The following VTI1A variants were observed in gnomAD, a reference collection of about 807,000 sequenced individuals.
The protein encoded by VTI1A is vesicle transport through interaction with t-SNAREs 1A, also known as vesicle transport through interaction with t-SNAREs homolog 1A.
Under a neutral mutation model 34.9 loss-of-function variants are expected in VTI1A, and 22 were observed. The ratio of observed to expected loss-of-function variants is 0.63; its 90% CI spans 0.45 to 0.90. The LOEUF is 0.90. VTI1A is among the 40% of genes least tolerant of loss of function. The pLI, the probability that VTI1A is intolerant of heterozygous loss-of-function variation, is 0.00. For synonymous variants in VTI1A, 87 were observed against 97.3 expected (o/e 0.89, Z 0.62); for missense variants, 268 against 275.6 (o/e 0.97, Z 0.20).
intron 5 of VTI1A, among the ~76,000 whole-genome samples, chr10:112,657,025 G>A (rs565543158): frequency 7.9e-5 from 12 of 152,118 alleles, no homozygotes; most frequent in Middle Eastern, 3.4e-3. Flanking sequence ...AGCCATGCCC[G>A]CCCACCCTTC....
the VTI1A span, among the ~76,000 whole-genome samples, chr10:112,850,778 A>C: frequency 2.0e-5 from 3 of 152,196 alleles, no homozygotes; most frequent in Middle Eastern, 3.2e-3. Flanking sequence ...AAACAACTAA[A>C]ACTTTGAAGA....
In VTI1A at chr10:112,547,123, T is replaced by C. The variant is rs185982953; in HGVS notation, c.427+8793T>C. Among the ~76,000 whole-genome samples the C allele has an allele frequency of 7.9e-4, 120 of 151,802 alleles. 4 individuals are homozygous for C. In the East Asian group the frequency reaches 0.023, roughly 29 times the overall value. The stretch of plus-strand genomic sequence containing the variant: ...GGTGAAACCCCATGTCCACAAAAAA[T>C]ACAAAAATTAGCTGTTCATAATGGC... On this transcript the variant is annotated intron_variant, in intron 5 of 7. Transcript: ENST00000393077.
At chr10:112,741,794 CTT>C (rs973674885) in intron 7 of VTI1A, among the ~76,000 whole-genome samples, 1 of 151,910 alleles carries the variant, frequency 6.6e-6, no homozygotes, top group African/African-American at 2.4e-5. Context: ...TAGCTTATAT[CTT>C]TTTTTTCTTT....
chr10:112,597,878 T>C (rs1844724044), intron 5 of VTI1A, among the ~76,000 whole-genome samples: 1 of 151,292 alleles, frequency 6.6e-6, no homozygotes, highest in Non-Finnish European at 1.5e-5. Context: ...TTTGTATTTT[T>C]AGTAGAGGCG....
At chr10:112,666,676 C>T (rs1847652745) in intron 5 of VTI1A, among the ~76,000 whole-genome samples, 1 of 152,138 alleles carries the variant, frequency 6.6e-6, no homozygotes, top group Admixed American at 6.6e-5. Flanking sequence ...TGGATCATAA[C>T]ATCAACTTGG....
At chr10:112,680,978 T>C (rs1054923759) in intron 7 of VTI1A, among the ~76,000 whole-genome samples, 1 of 152,148 alleles carries the variant, frequency 6.6e-6, no homozygotes, top group African/African-American at 2.4e-5. Context: ...ACATAGGAAA[T>C]TAACAAAACA....
chr10:112,804,851 ATTTTTTTTT>A (rs138471169), intron 7 of VTI1A, among the ~76,000 whole-genome samples: 7 of 55,362 alleles, frequency 1.3e-4, no homozygotes, highest in East Asian at 6.1e-4. Context: ...TAGATTATAG[ATTTTTTTTT>A]TTTTTTTTTT....
chr10:112,510,635 A>G (rs921244188), intron 3 of VTI1A, among the ~76,000 whole-genome samples: 3 of 152,088 alleles, frequency 2.0e-5, no homozygotes, highest in Non-Finnish European at 4.4e-5. Flanking sequence ...CTTTGACTCA[A>G]AAAAACCACC....
intron 7 of VTI1A, among the ~76,000 whole-genome samples, chr10:112,782,409 G>A (rs914694998): frequency 1.2e-4 from 18 of 152,380 alleles, no homozygotes; most frequent in African/African-American, 3.8e-4. Context: ...CTTTTTCGGC[G>A]TGGAAGCGCA....
intron 5 of VTI1A, among the ~76,000 whole-genome samples, chr10:112,548,442 G>A (rs934436002): frequency 1.6e-4 from 24 of 152,186 alleles, no homozygotes; most frequent in Admixed American, 1.6e-3. Context: ...GAAAACCAAA[G>A]TGGTCCACAA....
At chr10:112,631,479 C>G (rs1246182333) in intron 5 of VTI1A, among the ~76,000 whole-genome samples, 2 of 152,166 alleles carry the variant, frequency 1.3e-5, no homozygotes, top group Non-Finnish European at 2.9e-5. Context: ...ATAGATTCAT[C>G]TATTCTGGAT....
At chr10:112,452,859 G>C (rs966969401) in intron 1 of VTI1A, among the ~76,000 whole-genome samples, 7 of 151,676 alleles carry the variant, frequency 4.6e-5, no homozygotes, top group Non-Finnish European at 1.0e-4. Flanking sequence ...TTAACATCAT[G>C]TTAATATGGT....
intron 7 of VTI1A, among the ~76,000 whole-genome samples, chr10:112,788,773 A>G (rs1017222715): frequency 2.6e-5 from 4 of 152,000 alleles, no homozygotes; most frequent in Admixed American, 2.0e-4. Flanking sequence ...CTTTTTAAAA[A>G]TAGATATTTT....
At chr10:112,665,754 G>A (rs996743102) in intron 5 of VTI1A, among the ~76,000 whole-genome samples, 4 of 151,996 alleles carry the variant, frequency 2.6e-5, no homozygotes, top group Non-Finnish European at 2.9e-5. Context: ...ACACTGGATG[G>A]GCTTTAAGAG....
intron 4 of VTI1A, among the ~76,000 whole-genome samples, chr10:112,536,474 T>C (rs930673761): frequency 6.6e-6 from 1 of 152,194 alleles, no homozygotes; most frequent in Admixed American, 6.5e-5. Flanking sequence ...TAGTCATCAA[T>C]GCCAGACACA....
chr10:112,619,949 G>A (rs1845663014), intron 5 of VTI1A, among the ~76,000 whole-genome samples: 1 of 152,158 alleles, frequency 6.6e-6, no homozygotes, highest in South Asian at 2.1e-4. Flanking sequence ...GTTCGGGAAG[G>A]TCTCGACCCC....
At chr10:112,639,467 A>G (rs1846483869) in intron 5 of VTI1A, among the ~76,000 whole-genome samples, 1 of 152,146 alleles carries the variant, frequency 6.6e-6, no homozygotes, top group African/African-American at 2.4e-5. Flanking sequence ...TTCTCTCCTC[A>G]TGTTAACATC....
At chr10:112,755,420 A>G (rs991910475) in intron 7 of VTI1A, among the ~76,000 whole-genome samples, 4 of 152,186 alleles carry the variant, frequency 2.6e-5, no homozygotes, top group Non-Finnish European at 4.4e-5. Context: ...CACCTTCAGT[A>G]CTTGATTCCT....
At chr10:112,777,831 C>T (rs1026810427) in intron 7 of VTI1A, among the ~76,000 whole-genome samples, 2 of 152,106 alleles carry the variant, frequency 1.3e-5, no homozygotes, top group Non-Finnish European at 2.9e-5. Flanking sequence ...GGCCGGGCAC[C>T]GTGGCTCACG....
Sources: gnomAD v4.1 joint callset for allele counts (sites outside exome capture counted in the v4.1 genomes callset) on GRCh38, gnomAD v4.1.1 for gene constraint, MANE v1.5 for transcripts, NCBI Gene and HGNC (gene_info 2026-07-23, HGNC 2026-07-21) for gene names.